The following TRMT9B variants were observed in gnomAD, a reference collection of about 807,000 sequenced individuals.
The protein encoded by TRMT9B is probable tRNA methyltransferase 9B.
In TRMT9B, 16 loss-of-function variants were observed where a neutral mutation model predicts 11.5. The ratio of observed to expected loss-of-function variants is 1.39; its 90% CI spans 0.94 to 2.11. TRMT9B has a LOEUF of 2.11. Among genes scored for constraint, TRMT9B ranks in the 30% most tolerant of loss-of-function variants. The pLI is 0.00. For missense variants in TRMT9B, 941 were observed against 553.8 expected (o/e 1.70, Z -7.02); for synonymous variants, 274 against 192.4 (o/e 1.42, Z -3.51).
chr8:13,006,278 G>T lies in TRMT9B; in HGVS notation c.76G>T (p.Asp26Tyr), dbSNP rs1259389004. ...VYESTAPYFS[D>Y]LQSKAWPRVR... ...CGAGAGCACAGCCCCTTACTTCAGC[G>T]ACCTGCAGAGCAAAGCCTGGCCTCG... is the stretch of plus-strand genomic sequence containing the variant. Residue 26 changes from aspartate (D) to tyrosine (Y), a missense_variant, in exon 3 of 5, where the codon GAC becomes TAC. By Grantham distance (160) the Asp-to-Tyr change is radical. Coordinates refer to ENST00000524591, the MANE Select transcript of TRMT9B (RefSeq NM_020844.3). 6.2e-7 allele frequency: 1 copy of T among 1,613,918 alleles called. No homozygotes were observed. Among genetic ancestry groups the T allele is most frequent in the Non-Finnish European group, 8.5e-7 (1 of 1,179,870 alleles).
chr8:13,002,117 C>A (rs1162052274), intron 2 of TRMT9B, among the ~76,000 whole-genome samples: 2 of 152,112 alleles, frequency 1.3e-5, no homozygotes, highest in Non-Finnish European at 2.9e-5. Flanking sequence ...AAATAACTAT[C>A]TTTTAGGTTA....
intron 1 of TRMT9B, among the ~76,000 whole-genome samples, chr8:12,985,151 G>T (rs547623142): frequency 6.6e-6 from 1 of 152,044 alleles, no homozygotes; most frequent in Non-Finnish European, 1.5e-5. Flanking sequence ...ATCTCTTTCC[G>T]CTAAGATAAA....
chr8:12,947,421 A>T (rs1199087036), intron 1 of TRMT9B, among the ~76,000 whole-genome samples: 1 of 152,216 alleles, frequency 6.6e-6, no homozygotes, highest in Non-Finnish European at 1.5e-5. Flanking sequence ...AGTGGGTAAA[A>T]ATACAGTAAT....
intron 1 of TRMT9B, among the ~76,000 whole-genome samples, chr8:12,946,614 A>G (rs761709368): frequency 6.6e-5 from 10 of 152,196 alleles, no homozygotes; most frequent in African/African-American, 9.6e-5. Context: ...CAGGTTTATG[A>G]GAAGACCAAT....
chr8:12,996,384 G>C (rs1395590570), intron 2 of TRMT9B, among the ~76,000 whole-genome samples: 1 of 152,152 alleles, frequency 6.6e-6, no homozygotes, highest in African/African-American at 2.4e-5. Flanking sequence ...CTGGTTACTG[G>C]ATAATCTGGC....
rs113152029 is a variant in TRMT9B at position 13,026,803 on chromosome 8, T to G, written c.*4759T>G. 6.0e-6 allele frequency: 1 copy of G among 167,150 alleles called. No individual in the cohort carries two copies. Among genetic ancestry groups the G allele is most frequent in the Non-Finnish European group, 1.5e-5 (1 of 68,106 alleles). 10.4% of individuals were successfully genotyped at this position (167,150 alleles called of 1,614,324 possible). A position where few individuals can be genotyped will look rare whatever the true frequency, so the allele number is the denominator to read the frequency against. ...CCACAACACCATATACTCCCACCCC[T>G]GGGCCCAGCTCATGTGCTTGGCGGA... On this transcript the variant is annotated 3_prime_UTR_variant, in exon 5 of 5. Coordinates refer to ENST00000524591, the MANE Select transcript of TRMT9B (RefSeq NM_020844.3).
At chr8:12,958,224 T>C (rs1345049113) in intron 1 of TRMT9B, among the ~76,000 whole-genome samples, 4 of 152,214 alleles carry the variant, frequency 2.6e-5, no homozygotes, top group African/African-American at 9.7e-5. Context: ...TGCTTATCCA[T>C]TCAGCTGCAG....
In TRMT9B at chr8:13,012,654, T is replaced by C. The variant is rs746011537; in HGVS notation, c.155-30T>C. 68 of 1,584,476 alleles carry C rather than the reference T, an allele frequency of 4.3e-5. No individual in the cohort carries two copies. In the South Asian group the frequency reaches 6.4e-4, roughly 15 times the overall value. The stretch of plus-strand genomic sequence containing the variant: ...AGTATTTCACATTTTCCATTGAGGA[T>C]AGCATGTAACGCAGGTTTTTCTCTT... On this transcript the variant is annotated intron_variant, in intron 3 of 4. Coordinates refer to ENST00000524591, the MANE Select transcript of TRMT9B (RefSeq NM_020844.3).
At chr8:12,996,796 G>A (rs549798183) in intron 2 of TRMT9B, among the ~76,000 whole-genome samples, 4 of 151,922 alleles carry the variant, frequency 2.6e-5, no homozygotes, top group Admixed American at 6.6e-5. Flanking sequence ...CATGTAACCC[G>A]AGCCCAGATC....
intron 4 of TRMT9B, among the ~76,000 whole-genome samples, chr8:13,013,569 A>T (rs927588617): frequency 6.6e-6 from 1 of 151,754 alleles, no homozygotes; most frequent in African/African-American, 2.4e-5. Context: ...TATTTAATGG[A>T]ATCCTATGAC....
intron 1 of TRMT9B, among the ~76,000 whole-genome samples, chr8:12,946,735 C>T (rs562158701): frequency 1.3e-5 from 2 of 152,274 alleles, no homozygotes; most frequent in Admixed American, 6.5e-5. Flanking sequence ...GGACCAAGGA[C>T]AGGTGCTTGA....
chr8:13,002,580 G>C (rs1194591670), intron 2 of TRMT9B, among the ~76,000 whole-genome samples: 2 of 152,096 alleles, frequency 1.3e-5, no homozygotes, highest in Non-Finnish European at 2.9e-5. Context: ...CAGGGGCTGT[G>C]GGTAGGTTCA....
intron 4 of TRMT9B, among the ~76,000 whole-genome samples, chr8:13,016,040 G>GT (rs1328076637): frequency 6.6e-6 from 1 of 150,624 alleles, no homozygotes; most frequent in Non-Finnish European, 1.5e-5. Context: ...GAGTTCAGGA[G>GT]TTTGAGTCCA....
chr8:12,964,678 G>A (rs537913107), intron 1 of TRMT9B, among the ~76,000 whole-genome samples: 20 of 152,250 alleles, frequency 1.3e-4, no homozygotes, highest in African/African-American at 4.3e-4. Flanking sequence ...GGGCTCAAGC[G>A]ATCTTCCCTC....
intron 1 of TRMT9B, among the ~76,000 whole-genome samples, chr8:12,954,754 C>G (rs2466257): frequency 1.3e-5 from 2 of 152,190 alleles, no homozygotes; most frequent in Non-Finnish European, 2.9e-5. Flanking sequence ...AAGAAAGTAC[C>G]TTGCATAGAA....
chr8:12,953,076 A>C (rs565274213), intron 1 of TRMT9B, among the ~76,000 whole-genome samples: 1 of 152,136 alleles, frequency 6.6e-6, no homozygotes, highest in Non-Finnish European at 1.5e-5. Context: ...GTGATAAATG[A>C]TGTGAGCCCA....
chr8:13,013,416 G>T (rs973324137), intron 4 of TRMT9B, among the ~76,000 whole-genome samples: 7 of 152,050 alleles, frequency 4.6e-5, no homozygotes, highest in African/African-American at 1.7e-4. Flanking sequence ...ATGAGTCTAG[G>T]GAATGTGTTT....
At position 13,006,326 on chromosome 8, in the gene TRMT9B, C is replaced by T. The variant is rs1409761252; in HGVS notation, c.124C>T (p.Gln42Ter). The change falls in exon 3 of 5, where the codon CAG becomes TAG. Residue 42 changes from glutamine to a stop codon, truncating the protein, a stop_gained. Transcript: ENST00000524591. LOFTEE classifies it high-confidence loss of function. ...WPRVRQFLQE[Q>*]KPGSLIADIG... is the part of the protein sequence containing the mutation. The stretch of plus-strand genomic sequence containing the variant: ...TCGTGTCCGCCAGTTCCTGCAAGAG[C>T]AGAAGCCAGGCAGCCTCATCGCTGA... The T allele has an allele frequency of 6.2e-7, 1 of 1,613,290 alleles. No homozygotes were observed. Among genetic ancestry groups the T allele is most frequent in the South Asian group, 1.1e-5 (1 of 91,014 alleles).
chr8:13,004,137 G>T (rs13252623), intron 2 of TRMT9B, among the ~76,000 whole-genome samples: 7,307 of 152,024 alleles, frequency 0.048, 214 homozygotes, highest in South Asian at 0.091. Context: ...GAGGGGAATT[G>T]CTGGTCCCAG....
Sources: allele counts gnomAD v4.1 joint callset (sites outside exome capture counted in the v4.1 genomes callset), GRCh38; gene constraint gnomAD v4.1.1; transcripts MANE v1.5; gene names NCBI Gene and HGNC (gene_info 2026-07-23, HGNC 2026-07-21).